The following PPM1H variants were observed in gnomAD, a reference collection of about 807,000 sequenced individuals.
PPM1H encodes protein phosphatase 1H.
PPM1H carries 27 observed loss-of-function variants against 54.9 expected under a neutral mutation model. The observed-to-expected ratio is 0.49, with a 90% CI of 0.36 to 0.68. The LOEUF (loss-of-function observed/expected upper bound fraction) is 0.68, where lower values mean the gene tolerates loss of function less well. Among genes scored for constraint, PPM1H ranks in the 30% least tolerant of loss-of-function variants. PPM1H has a pLI of 0.00. For synonymous variants in PPM1H, 305 were observed against 270.8 expected (o/e 1.13, Z -1.24); for missense variants, 596 against 667.8 (o/e 0.89, Z 1.19).
At chr12:62,766,438 A>G (rs1445657799) in intron 4 of PPM1H, among the ~76,000 whole-genome samples, 1 of 152,090 alleles carries the variant, frequency 6.6e-6, no homozygotes, top group East Asian at 1.9e-4. Context: ...TACAAAAAAC[A>G]TGTACTGTAA....
intron 4 of PPM1H, among the ~76,000 whole-genome samples, chr12:62,770,260 T>C (rs1285265449): frequency 6.6e-6 from 1 of 152,182 alleles, no homozygotes; most frequent in Non-Finnish European, 1.5e-5. Flanking sequence ...TTGAATCATT[T>C]AATCCTTCTA....
At chr12:62,722,634 A>T (rs1351792864) in intron 5 of PPM1H, among the ~76,000 whole-genome samples, 1 of 152,130 alleles carries the variant, frequency 6.6e-6, no homozygotes. Flanking sequence ...AAAAGAACTC[A>T]CACACACAGA....
intron 4 of PPM1H, among the ~76,000 whole-genome samples, chr12:62,772,827 G>C (rs901178571): frequency 3.9e-5 from 6 of 152,146 alleles, no homozygotes; most frequent in African/African-American, 1.4e-4. Flanking sequence ...CAGTAGTAGC[G>C]GGAGGCGCCA....
Position 62,768,894 on chromosome 12 carries a change from A to T in PPM1H, c.869+19332T>A, listed in dbSNP as rs533982682. 7.2e-5 allele frequency among the ~76,000 whole-genome samples: 11 copies of T among 152,232 alleles called. 1 individual carries two copies. The South Asian group carries it at 2.3e-3, about 32-fold the overall frequency. On this transcript the variant is annotated intron_variant, in intron 4 of 9. Coordinates refer to ENST00000228705, the MANE Select transcript of PPM1H (RefSeq NM_020700.2). ...AAATCCTGTGAAATACCAAATGATA[A>T]AAGACAAGACAGCTGGGGTTTGCCT...
chr12:62,798,624 T>C (rs1020769426), intron 3 of PPM1H, among the ~76,000 whole-genome samples: 2 of 152,120 alleles, frequency 1.3e-5, no homozygotes, highest in Non-Finnish European at 2.9e-5. Flanking sequence ...GGAAGAGACA[T>C]AGCTTAAAGC....
At chr12:62,704,897 A>G (rs544534797) in intron 6 of PPM1H, among the ~76,000 whole-genome samples, 10 of 152,346 alleles carry the variant, frequency 6.6e-5, no homozygotes, top group African/African-American at 2.2e-4. Flanking sequence ...TCTCCCTATC[A>G]GCACGCCTGA....
chr12:62,767,834 C>A (rs1247004579), intron 4 of PPM1H, among the ~76,000 whole-genome samples: 1 of 152,176 alleles, frequency 6.6e-6, no homozygotes, highest in Non-Finnish European at 1.5e-5. Context: ...TCCAGGAAAT[C>A]CTTGGTGTTC....
At chr12:62,691,476 A>T (rs990012774) in intron 7 of PPM1H, among the ~76,000 whole-genome samples, 7 of 152,200 alleles carry the variant, frequency 4.6e-5, no homozygotes, top group Admixed American at 6.5e-5. Flanking sequence ...AGTTCACATT[A>T]AGCAGAAATG....
chr12:62,895,032 T>C (rs1870933838), intron 1 of PPM1H, among the ~76,000 whole-genome samples: 1 of 152,226 alleles, frequency 6.6e-6, no homozygotes, highest in Non-Finnish European at 1.5e-5. Flanking sequence ...TTCATCTCCA[T>C]CTTCAGAAAG....
chr12:62,830,510 C>T (rs559633029), intron 2 of PPM1H, among the ~76,000 whole-genome samples: 2 of 152,290 alleles, frequency 1.3e-5, no homozygotes, highest in South Asian at 4.1e-4. Flanking sequence ...CCGCCTTGGC[C>T]TCCCAAAGTG....
chr12:62,810,879 C>G (rs2076831235), intron 2 of PPM1H, among the ~76,000 whole-genome samples: 1 of 152,200 alleles, frequency 6.6e-6, no homozygotes, highest in African/African-American at 2.4e-5. Flanking sequence ...AGTAAGATTA[C>G]TTCATGTAAT....
intron 1 of PPM1H, among the ~76,000 whole-genome samples, chr12:62,871,500 G>T (rs537077694): frequency 6.7e-6 from 1 of 148,968 alleles, no homozygotes; most frequent in Non-Finnish European, 1.5e-5. Flanking sequence ...GAAAACCACC[G>T]AACTGTGGTA....
rs140027529 is a variant in PPM1H, at chr12:62,722,267, C to A, written c.955-1978G>T. ...CTTTCAGATTGTATCAGCATGAATA[C>A]AATCCACTACCCAAGCTGGACTAAC... is the stretch of plus-strand genomic sequence containing the variant. On this transcript the variant is annotated intron_variant, in intron 5 of 9. Coordinates refer to ENST00000228705, the MANE Select transcript of PPM1H (RefSeq NM_020700.2). 3.6e-3 allele frequency among the ~76,000 whole-genome samples: 546 copies of A among 152,270 alleles called. 3 individuals carry two copies. Among genetic ancestry groups the A allele is most frequent in the African/African-American group, 0.012 (519 of 41,558 alleles).
At chr12:62,917,517 C>T (rs1234090007) in intron 1 of PPM1H, among the ~76,000 whole-genome samples, 2 of 152,156 alleles carry the variant, frequency 1.3e-5, no homozygotes, top group East Asian at 1.9e-4. Context: ...AATGGACATT[C>T]CAAAGTGGAA....
intron 6 of PPM1H, among the ~76,000 whole-genome samples, chr12:62,719,713 T>C (rs953322794): frequency 6.6e-6 from 1 of 152,198 alleles, no homozygotes; most frequent in African/African-American, 2.4e-5. Flanking sequence ...TATATCTTTT[T>C]ATCACTTTAT....
At chr12:62,900,421 G>A (rs1268346630) in intron 1 of PPM1H, among the ~76,000 whole-genome samples, 1 of 151,908 alleles carries the variant, frequency 6.6e-6, no homozygotes, top group Admixed American at 6.6e-5. Context: ...AGTATTAGGA[G>A]ATATACCTAA....
At chr12:62,689,920 GAT>G (rs1165947777) in intron 7 of PPM1H, 114 bp from the exon 8 acceptor site, 26 of 668,088 alleles carry the variant, frequency 3.9e-5, no homozygotes, top group Non-Finnish European at 5.7e-5. Context: ...CTCCTGCCCA[GAT>G]ATGTTTCCAG....
intron 9 of PPM1H, among the ~76,000 whole-genome samples, chr12:62,653,590 G>T (rs1298091966): frequency 6.6e-6 from 1 of 152,170 alleles, no homozygotes; most frequent in Non-Finnish European, 1.5e-5. Context: ...CGGAGGGAAG[G>T]CTCTATTGTA....
At chr12:62,872,420 A>G (rs943329390) in intron 1 of PPM1H, among the ~76,000 whole-genome samples, 1 of 152,190 alleles carries the variant, frequency 6.6e-6, no homozygotes, top group Admixed American at 6.5e-5. Flanking sequence ...TAAAATCACA[A>G]TGAATTTTAC....
Sources: gnomAD v4.1 joint callset for allele counts (sites outside exome capture counted in the v4.1 genomes callset) on GRCh38, gnomAD v4.1.1 for gene constraint, MANE v1.5 for transcripts, NCBI Gene and HGNC (gene_info 2026-07-23, HGNC 2026-07-21) for gene names.